ALOXE3: variants seen among roughly 807,000 people sequenced by gnomAD.
ALOXE3 encodes the protein arachidonate epidermal lipoxygenase 3.
A neutral mutation model predicts 87.5 loss-of-function variants in ALOXE3; 78 were observed. The ratio of observed to expected loss-of-function variants is 0.89; its 90% CI spans 0.74 to 1.08. The LOEUF is 1.08. Among genes scored for constraint, ALOXE3 ranks in the 50% least tolerant of loss-of-function variants. The pLI, the probability that ALOXE3 is intolerant of heterozygous loss-of-function variation, is 0.00. For synonymous variants in ALOXE3, 363 were observed against 370.8 expected (o/e 0.98, Z 0.24); for missense variants, 946 against 912.4 (o/e 1.04, Z -0.47).
intron 5 of ALOXE3, 91 bp downstream of exon 5, chr17:8,114,846 CT>C: frequency 6.3e-7 from 1 of 1,576,686 alleles, no homozygotes; most frequent in Non-Finnish European, 8.7e-7. Flanking sequence ...TCATAGACCC[CT>C]ACCCCTCCTT....
At chr17:8,104,832 G>A (rs916738533) in intron 13 of ALOXE3, among the ~76,000 whole-genome samples, 1 of 152,126 alleles carries the variant, frequency 6.6e-6, no homozygotes, top group African/African-American at 2.4e-5. Context: ...ACAGAGAAAA[G>A]CATTTCAGGA....
In ALOXE3 at chr17:8,110,502, G is replaced by A. The variant is rs773953654; in HGVS notation, c.984C>T (p.Tyr328=). Residue 328 remains tyrosine (Y), a synonymous_variant, in exon 9 of 16, where the codon TAC becomes TAT. Coordinates refer to ENST00000448843, the MANE Select transcript of ALOXE3 (RefSeq NM_021628.3). ...GGGTGGGGGCCTCCGCCAGGATCCA[G>A]TAGTCCGCTAGGAAGATGTTCCCCC... ...LERGNIFLAD[Y]WILAEAPTHC... 1 of 1,614,002 alleles carries A rather than the reference G, an allele frequency of 6.2e-7. No individual in the cohort carries two copies. Among genetic ancestry groups the A allele is most frequent in the Non-Finnish European group, 8.5e-7 (1 of 1,179,926 alleles).
chr17:8,096,915 C>T (rs1241384014), intron 15 of ALOXE3, 109 bp from the exon 16 acceptor site: 39 of 1,283,566 alleles, frequency 3.0e-5, no homozygotes, highest in Admixed American at 3.8e-5. Flanking sequence ...AGTAGCACAA[C>T]CCAGTTGCAG....
At chr17:8,112,526 C>T (rs1387374296) in intron 6 of ALOXE3, among the ~76,000 whole-genome samples, 1 of 152,198 alleles carries the variant, frequency 6.6e-6, no homozygotes, top group Non-Finnish European at 1.5e-5. Flanking sequence ...ACTGGCTCCC[C>T]TCTGCCTACA....
chr17:8,096,426 A>G lies in ALOXE3; in HGVS notation c.*201T>C. On this transcript the variant is annotated 3_prime_UTR_variant, in exon 16 of 16. Coordinates refer to ENST00000448843, the MANE Select transcript of ALOXE3 (RefSeq NM_021628.3). ...CTTTGGTCAGCGGCTTTTAACCTGG[A>G]CGCTGCTGTGCTGGTCTCTCACAGC... 3.3e-6 allele frequency: 2 copies of G among 598,846 alleles called. No individual in the cohort carries two copies. Among genetic ancestry groups the G allele is most frequent in the South Asian group, 4.0e-5 (2 of 49,828 alleles). 37.1% of individuals were successfully genotyped at this position (598,846 alleles called of 1,614,324 possible). A position where few individuals can be genotyped will look rare whatever the true frequency, so the allele number is the denominator to read the frequency against.
At chr17:8,108,442 C>CG (rs747545814) in intron 13 of ALOXE3, 26 bp downstream of exon 13, 1 of 1,610,138 alleles carries the variant, frequency 6.2e-7, no homozygotes, top group African/African-American at 1.3e-5. Context: ...CAGAGCTACA[C>CG]GGAAAGTGGG....
chr17:8,096,518 G>C lies in ALOXE3; in HGVS notation c.*109C>G, dbSNP rs1489736700. 8.0e-6 allele frequency: 6 copies of C among 751,582 alleles called. No individual in the cohort carries two copies. The South Asian group carries it at 8.6e-5, about 11-fold the overall frequency. 46.6% of individuals were successfully genotyped at this position (751,582 alleles called of 1,614,324 possible). ...AAAAGTCTCCATGTGCAGAAGAGAAGGTTCAGGTGAACTGAGAACAGGGAG... is the reference window on the plus strand; with the variant it reads ...AAAAGTCTCCATGTGCAGAAGAGAACGTTCAGGTGAACTGAGAACAGGGAG... On this transcript the variant is annotated 3_prime_UTR_variant, in exon 16 of 16. Coordinates refer to ENST00000448843, the MANE Select transcript of ALOXE3 (RefSeq NM_021628.3).
At chr17:8,102,681 T>C (rs1484743266) in intron 15 of ALOXE3, among the ~76,000 whole-genome samples, 1 of 152,184 alleles carries the variant, frequency 6.6e-6, no homozygotes, top group African/African-American at 2.4e-5. Context: ...TCTTCCTCTC[T>C]GTCCAACTCC....
At position 8,110,170 on chromosome 17, in the gene ALOXE3, A is replaced by C; in HGVS notation, c.1227T>G (p.Phe409Leu). Residue 409 changes from phenylalanine to leucine, a missense_variant, in exon 10 of 16, where the codon TTT becomes TTG. Transcript: ENST00000448843. Reference sequence around the variant, plus strand: ...CCTCGCACAGCAAATGCGTGCACAGAAAGTGCGTGTTGTTTTCGTGCACCA... The same window carrying C: ...CCTCGCACAGCAAATGCGTGCACAGCAAGTGCGTGTTGTTTTCGTGCACCA... ...EFLVHENNTH[F>L]LCTHLLCEAF... 3 of 1,614,068 alleles carry C rather than the reference A, an allele frequency of 1.9e-6. No homozygotes were observed. The highest frequency in any genetic ancestry group is 2.5e-6 in the Non-Finnish European group (3 of 1,179,926).
intron 10 of ALOXE3, 34 bp from the exon 11 acceptor site, chr17:8,110,036 C>T (rs768465921): frequency 1.7e-5 from 27 of 1,572,372 alleles, no homozygotes; most frequent in Admixed American, 1.9e-5. Context: ...AGCTGAAGGC[C>T]GGGGACAAGG....
rs1979909059 is a variant in ALOXE3 at position 8,110,081 on chromosome 17, G to C, written c.1305+11C>G. ...CCCTGCCCCGCTGGGCCCCCACCCGGGGTCGCGGACCTTGTAGATGGGGTG... is the reference window on the plus strand; with the variant it reads ...CCCTGCCCCGCTGGGCCCCCACCCGCGGTCGCGGACCTTGTAGATGGGGTG... On this transcript the variant is annotated intron_variant, in intron 10 of 15. Coordinates refer to ENST00000448843, the MANE Select transcript of ALOXE3 (RefSeq NM_021628.3). 1 of 1,608,578 alleles carries C rather than the reference G, an allele frequency of 6.2e-7. No homozygotes were observed. Among genetic ancestry groups the C allele is most frequent in the Non-Finnish European group, 8.5e-7 (1 of 1,177,558 alleles).
At chr17:8,111,957 G>T (rs1980129518) in intron 7 of ALOXE3, 136 bp downstream of exon 7, 2 of 816,956 alleles carry the variant, frequency 2.4e-6, no homozygotes, top group South Asian at 1.4e-5. Context: ...CACCAGTGAA[G>T]CCAGGAGCCC....
At position 8,110,225 on chromosome 17, in the gene ALOXE3, GC is replaced by G. The variant is rs1387374359; in HGVS notation, c.1171del (p.Ala391ProfsTer57). 2 of 1,614,110 alleles carry G rather than the reference GC, an allele frequency of 1.2e-6. No individual in the cohort carries two copies. The highest frequency in any genetic ancestry group is 1.7e-6 in the Non-Finnish European group (2 of 1,179,936). On this transcript the variant is annotated frameshift_variant, in exon 10 of 16. Coordinates refer to ENST00000448843, the MANE Select transcript of ALOXE3 (RefSeq NM_021628.3). LOFTEE classifies it high-confidence loss of function. ...PTDSEWDWLLAKTWVRNSEFL... is the reference protein window; with the variant it reads ...PTDSEWDWLLXKTWVRNSEFL... ...CTCAGAGTTGCGCACCCACGTCTTG[GC>G]CAGCAGCCAGTCCCATTCGGAGTCA... is the stretch of plus-strand genomic sequence containing the variant.
chr17:8,113,957 A>G (rs981576962), intron 6 of ALOXE3, among the ~76,000 whole-genome samples: 2 of 150,914 alleles, frequency 1.3e-5, no homozygotes, highest in Non-Finnish European at 1.5e-5. Context: ...CCCAGGAGGC[A>G]GAGGTTGCGG....
At position 8,103,349 on chromosome 17, in the gene ALOXE3, A is replaced by G. The variant is rs760464162; in HGVS notation, c.1930T>C (p.Leu644=). 7 of 1,613,838 alleles carry G rather than the reference A, an allele frequency of 4.3e-6. No homozygotes were observed. The highest frequency in any genetic ancestry group is 1.7e-5 in the Admixed American group (1 of 59,986). ...ISCNNLLLFW[L]VSQEPKDQRP... ...TGGTCCTTGGGTTCTTGGCTAACCA[A>G]CCAGAAGAGGAGGAGGTTGTTACAG... Residue 644 remains leucine, a synonymous_variant, in exon 15 of 16, where the codon TTG becomes CTG. Transcript: ENST00000448843.
chr17:8,114,064 G>C (rs1162675855), intron 6 of ALOXE3, among the ~76,000 whole-genome samples: 1 of 151,868 alleles, frequency 6.6e-6, no homozygotes, highest in Admixed American at 6.6e-5. Flanking sequence ...TGAAAAGTGT[G>C]GGCACCTGGG....
chr17:8,108,058 AG>A (rs1260405244), intron 13 of ALOXE3, among the ~76,000 whole-genome samples: 1 of 149,984 alleles, frequency 6.7e-6, no homozygotes, highest in Non-Finnish European at 1.5e-5. Flanking sequence ...AAAGAAAGAA[AG>A]AAAGAAAGGA....
intron 15 of ALOXE3, among the ~76,000 whole-genome samples, chr17:8,097,382 A>C (rs12453030): frequency 0.45 from 68,797 of 152,018 alleles, 15,929 homozygotes; most frequent in East Asian, 0.63. Flanking sequence ...CCGAGATCAA[A>C]GTAAACACTG....
chr17:8,111,536 G>A lies in ALOXE3; in HGVS notation c.785-5C>T. ...ACCAGTGCTCTGTGACATACTCTGG[G>A]ATACAAGAGAGGGGACCAGTTGGTC... On this transcript the variant is annotated splice_region_variant and splice_polypyrimidine_tract_variant and intron_variant, in intron 7 of 15. Transcript: ENST00000448843. 6.2e-7 allele frequency: 1 copy of A among 1,614,154 alleles called. No individual in the cohort carries two copies. Among genetic ancestry groups the A allele is most frequent in the Non-Finnish European group, 8.5e-7 (1 of 1,180,032 alleles).
Sources: allele counts gnomAD v4.1 joint callset (sites outside exome capture counted in the v4.1 genomes callset), GRCh38; gene constraint gnomAD v4.1.1; transcripts MANE v1.5; gene names NCBI Gene and HGNC (gene_info 2026-07-23, HGNC 2026-07-21).